The following NEGR1 variants were observed in gnomAD, a reference collection of about 807,000 sequenced individuals.
NEGR1 encodes the protein IgLON family member 4.
NEGR1 carries 10 observed loss-of-function variants against 40.9 expected under a neutral mutation model. The ratio of observed to expected loss-of-function variants is 0.24; its 90% CI spans 0.15 to 0.42. NEGR1 has a LOEUF of 0.42. Ranked by LOEUF, NEGR1 falls within the 10% of genes least tolerant of loss-of-function variation. NEGR1 has a pLI of 1.00. For synonymous variants in NEGR1, 185 were observed against 166.8 expected (o/e 1.11, Z -0.84); for missense variants, 352 against 438.9 (o/e 0.80, Z 1.77).
chr1:71,831,099 C>T (rs953803643), intron 2 of NEGR1, among the ~76,000 whole-genome samples: 12 of 151,904 alleles, frequency 7.9e-5, no homozygotes, highest in Non-Finnish European at 1.2e-4. Context: ...ACTATAGTAG[C>T]CTTCTTTGAC....
intron 6 of NEGR1, among the ~76,000 whole-genome samples, chr1:71,522,063 A>G (rs1647161086): frequency 6.6e-6 from 1 of 152,000 alleles, no homozygotes; most frequent in African/African-American, 2.4e-5. Flanking sequence ...AACATAAGGT[A>G]TTTATCAAAG....
intron 4 of NEGR1, among the ~76,000 whole-genome samples, chr1:71,638,501 C>A (rs1265216816): frequency 6.6e-6 from 1 of 152,012 alleles, no homozygotes; most frequent in African/African-American, 2.4e-5. Context: ...TTCTGTTTGA[C>A]GCTTGCTTCT....
intron 1 of NEGR1, 50 bp from the exon 2 acceptor site, chr1:71,935,361 A>C (rs1645895116): frequency 7.8e-7 from 1 of 1,280,180 alleles, no homozygotes; most frequent in African/African-American, 1.5e-5. Context: ...AAAATGAGAG[A>C]CAACATTATT....
At chr1:71,905,622 A>C (rs2101867724) in intron 2 of NEGR1, among the ~76,000 whole-genome samples, 1 of 152,226 alleles carries the variant, frequency 6.6e-6, no homozygotes, top group Middle Eastern at 3.4e-3. Flanking sequence ...TGTTGCAAAT[A>C]AAGTAAAACT....
intron 4 of NEGR1, among the ~76,000 whole-genome samples, chr1:71,642,656 G>A (rs1297791567): frequency 6.6e-6 from 1 of 151,600 alleles, no homozygotes; most frequent in Non-Finnish European, 1.5e-5. Flanking sequence ...AATGAAGGAA[G>A]TACGGTTTTT....
chr1:71,457,187 C>A (rs1230038159), intron 6 of NEGR1, among the ~76,000 whole-genome samples: 1 of 152,098 alleles, frequency 6.6e-6, no homozygotes, highest in Non-Finnish European at 1.5e-5. Context: ...ACCAGTGATT[C>A]CACTCTCATG....
At chr1:72,009,852 T>C in intron 1 of NEGR1, among the ~76,000 whole-genome samples, 1 of 152,208 alleles carries the variant, frequency 6.6e-6, no homozygotes, top group South Asian at 2.1e-4. Flanking sequence ...ATGTAGATAT[T>C]TGTAACTGTG....
At chr1:71,408,662 TA>T (rs1646295763) in intron 6 of NEGR1, 1 of 151,750 alleles carries the variant, frequency 6.6e-6, no homozygotes, top group Admixed American at 6.6e-5. Flanking sequence ...TCATTTACCA[TA>T]ATAATAATAA....
At chr1:72,149,796 G>A (rs1651047073) in intron 1 of NEGR1, among the ~76,000 whole-genome samples, 2 of 146,856 alleles carry the variant, frequency 1.4e-5, no homozygotes, top group Admixed American at 1.4e-4. Flanking sequence ...CAGAAGAATC[G>A]CTTGAACCTG....
At chr1:71,771,038 C>A (rs1379587853) in intron 3 of NEGR1, among the ~76,000 whole-genome samples, 1 of 152,112 alleles carries the variant, frequency 6.6e-6, no homozygotes, top group African/African-American at 2.4e-5. Flanking sequence ...ATAGCAAAGA[C>A]TTGGAACCAA....
At chr1:72,217,853 A>C (rs1414331857) in intron 1 of NEGR1, among the ~76,000 whole-genome samples, 2 of 151,850 alleles carry the variant, frequency 1.3e-5, no homozygotes, top group East Asian at 3.9e-4. Context: ...TAGCTACCAA[A>C]GTACATATAA....
chr1:71,444,842 C>G (rs1646570329), intron 6 of NEGR1, among the ~76,000 whole-genome samples: 1 of 152,012 alleles, frequency 6.6e-6, no homozygotes, highest in South Asian at 2.1e-4. Flanking sequence ...CAGTTTTTGT[C>G]CAAAAGGCAA....
chr1:71,849,161 C>G (rs1163368932), intron 2 of NEGR1, among the ~76,000 whole-genome samples: 1 of 151,944 alleles, frequency 6.6e-6, no homozygotes, highest in Non-Finnish European at 1.5e-5. Context: ...TCTGATGGAT[C>G]TGGGTAAAGT....
In NEGR1 at chr1:71,583,175, G is replaced by A. The variant is rs184372733; in HGVS notation, c.940+9642C>T. Among the ~76,000 whole-genome samples, 50 of 152,228 alleles carry A rather than the reference G, an allele frequency of 3.3e-4. 1 individual carries two copies. Among genetic ancestry groups the A allele is most frequent in the African/African-American group, 1.2e-3 (48 of 41,550 alleles). ...AAATAGGTGAGAGCCTATCACTAATGTGAGTCAGTAACGTAAAAAAAACTT... is the reference window on the plus strand; with the variant it reads ...AAATAGGTGAGAGCCTATCACTAATATGAGTCAGTAACGTAAAAAAAACTT... On this transcript the variant is annotated intron_variant, in intron 6 of 6. Transcript: ENST00000357731.
chr1:71,902,999 C>T (rs888655230), intron 2 of NEGR1, among the ~76,000 whole-genome samples: 1 of 151,654 alleles, frequency 6.6e-6, no homozygotes, highest in Non-Finnish European at 1.5e-5. Context: ...TATTGAAATG[C>T]TATTAACCCT....
chr1:71,588,385 C>T (rs1229242003), intron 6 of NEGR1, among the ~76,000 whole-genome samples: 1 of 152,040 alleles, frequency 6.6e-6, no homozygotes, highest in African/African-American at 2.4e-5. Flanking sequence ...GGCTAATATA[C>T]AGTGATCTGC....
At chr1:72,255,214 C>T (rs995420170) in intron 1 of NEGR1, among the ~76,000 whole-genome samples, 1 of 152,106 alleles carries the variant, frequency 6.6e-6, no homozygotes, top group Non-Finnish European at 1.5e-5. Context: ...GTGTGTTAAT[C>T]TATTATGCAC....
chr1:72,268,605 T>C (rs1390921124), intron 1 of NEGR1, among the ~76,000 whole-genome samples: 1 of 151,282 alleles, frequency 6.6e-6, no homozygotes, highest in Non-Finnish European at 1.5e-5. Context: ...ACTCCTGAAA[T>C]AACAGATTAC....
chr1:71,799,232 C>T (rs1292499082), intron 2 of NEGR1, among the ~76,000 whole-genome samples: 2 of 152,042 alleles, frequency 1.3e-5, no homozygotes, highest in Non-Finnish European at 2.9e-5. Context: ...GTGTGATATT[C>T]ACCTCCCTGT....
Sources: allele counts gnomAD v4.1 joint callset (sites outside exome capture counted in the v4.1 genomes callset), GRCh38; gene constraint gnomAD v4.1.1; transcripts MANE v1.5; gene names NCBI Gene and HGNC (gene_info 2026-07-23, HGNC 2026-07-21).